Variants in FOXJ3 observed in about 807,000 individuals in gnomAD.
The protein encoded by FOXJ3 is forkhead box J3.
In FOXJ3, 22 loss-of-function variants were observed where a neutral mutation model predicts 76.1. The observed-to-expected ratio is 0.29, with a 90% confidence interval of 0.21 to 0.41. The LOEUF (loss-of-function observed/expected upper bound fraction) is 0.41, where lower values mean the gene tolerates loss of function less well. FOXJ3 is among the 10% of genes least tolerant of loss of function. FOXJ3 has a pLI of 1.00. For missense variants in FOXJ3, 613 were observed against 762.1 expected (o/e 0.80, Z 2.30); for synonymous variants, 269 against 261.2 (o/e 1.03, Z -0.29).
At chr1:42,332,712 C>G (rs574333283) in intron 1 of FOXJ3, among the ~76,000 whole-genome samples, 2 of 152,164 alleles carry the variant, frequency 1.3e-5, no homozygotes, top group African/African-American at 4.8e-5. Flanking sequence ...ATCCTAAACT[C>G]ATTTATTATT....
At chr1:42,274,890 G>A (rs1191113549) in intron 3 of FOXJ3, among the ~76,000 whole-genome samples, 5 of 151,806 alleles carry the variant, frequency 3.3e-5, no homozygotes, top group Admixed American at 6.6e-5. Context: ...AGGCGGCGGG[G>A]GGGCAAAAGA....
At chr1:42,204,034 C>A (rs1021518306) in intron 6 of FOXJ3, among the ~76,000 whole-genome samples, 11 of 151,036 alleles carry the variant, frequency 7.3e-5, no homozygotes, top group African/African-American at 1.5e-4. Flanking sequence ...CCCTGATATT[C>A]CTCAGGATCT....
chr1:42,306,661 G>C (rs543925709), intron 2 of FOXJ3, among the ~76,000 whole-genome samples: 3 of 152,152 alleles, frequency 2.0e-5, no homozygotes, highest in Admixed American at 2.0e-4. Flanking sequence ...GATGTGAATG[G>C]CCTGCTATCC....
chr1:42,231,885 T>G (rs1362755164), intron 4 of FOXJ3, among the ~76,000 whole-genome samples: 2 of 152,144 alleles, frequency 1.3e-5, no homozygotes, highest in African/African-American at 4.8e-5. Flanking sequence ...GCCATGTTGG[T>G]GTGCTGCACC....
intron 1 of FOXJ3, chr1:42,323,676 T>A: frequency 1.0e-6 from 1 of 981,910 alleles, no homozygotes; most frequent in Non-Finnish European, 1.2e-6. Flanking sequence ...ACTATGCCTC[T>A]TAATTACCTT....
At chr1:42,183,733 T>C (rs1034441669) in intron 11 of FOXJ3, among the ~76,000 whole-genome samples, 3 of 152,086 alleles carry the variant, frequency 2.0e-5, no homozygotes, top group African/African-American at 4.8e-5. Context: ...CCACTTCTAT[T>C]AAGGTAAGGC....
chr1:42,271,694 G>A (rs535507488), intron 3 of FOXJ3, among the ~76,000 whole-genome samples: 42 of 152,168 alleles, frequency 2.8e-4, no homozygotes, highest in African/African-American at 9.9e-4. Flanking sequence ...CTGTCACCAG[G>A]CTGCAGTGTA....
At chr1:42,182,282 C>A (rs1170128919) in intron 11 of FOXJ3, among the ~76,000 whole-genome samples, 1 of 152,200 alleles carries the variant, frequency 6.6e-6, no homozygotes, top group Non-Finnish European at 1.5e-5. Context: ...CAAGTTATGT[C>A]TATTATTGTT....
chr1:42,264,719 A>G (rs1651337178), intron 4 of FOXJ3, among the ~76,000 whole-genome samples: 1 of 152,146 alleles, frequency 6.6e-6, no homozygotes, highest in East Asian at 1.9e-4. Flanking sequence ...ACTCTTCTTG[A>G]TTACACTCAG....
chr1:42,325,406 C>G (rs751983058), intron 1 of FOXJ3, among the ~76,000 whole-genome samples: 3 of 152,194 alleles, frequency 2.0e-5, no homozygotes, highest in Non-Finnish European at 4.4e-5. Flanking sequence ...GAAGAAATCA[C>G]AGGATACTTC....
intron 3 of FOXJ3, 38 bp downstream of exon 3, chr1:42,278,310 T>G: frequency 7.5e-7 from 1 of 1,337,960 alleles, no homozygotes. Flanking sequence ...ACATCATTGC[T>G]TACTTCATAA....
At chr1:42,290,111 A>G (rs1653324297) in intron 2 of FOXJ3, among the ~76,000 whole-genome samples, 7 of 152,172 alleles carry the variant, frequency 4.6e-5, no homozygotes, top group Non-Finnish European at 8.8e-5. Context: ...GAGAAGAAAA[A>G]GATAGTTAAA....
intron 2 of FOXJ3, among the ~76,000 whole-genome samples, chr1:42,285,473 T>C (rs1412551324): frequency 6.6e-6 from 1 of 152,008 alleles, no homozygotes; most frequent in Non-Finnish European, 1.5e-5. Flanking sequence ...GCAAAAAGTC[T>C]AGAAATTAAA....
At chr1:42,269,581 T>C (rs960471046) in intron 3 of FOXJ3, among the ~76,000 whole-genome samples, 2 of 152,182 alleles carry the variant, frequency 1.3e-5, no homozygotes, top group African/African-American at 4.8e-5. Flanking sequence ...CTAACGTGTA[T>C]TTCCAACTAT....
At chr1:42,297,626 A>G (rs933948128) in intron 2 of FOXJ3, among the ~76,000 whole-genome samples, 8 of 152,028 alleles carry the variant, frequency 5.3e-5, no homozygotes, top group African/African-American at 1.4e-4. Flanking sequence ...CTTGATCATG[A>G]TTTATTATCT....
intron 2 of FOXJ3, among the ~76,000 whole-genome samples, chr1:42,293,168 A>G (rs1285980370): frequency 6.6e-6 from 1 of 152,188 alleles, no homozygotes; most frequent in Non-Finnish European, 1.5e-5. Flanking sequence ...TTGGACATAA[A>G]AAGAGACAAA....
rs370643565 is a variant in FOXJ3, at chr1:42,324,010, C to A, written c.-18+11049G>T. ...TTAACTCTTAAAATTCTAGGAACTA[C>A]TAAATATATATAGTATATATATACA... On this transcript the variant is annotated intron_variant, in intron 1 of 12. Transcript: ENST00000361346. Among the ~76,000 whole-genome samples the A allele has an allele frequency of 2.8e-5, 4 of 141,596 alleles. No homozygotes were observed. The East Asian group carries it at 8.4e-4, about 30-fold the overall frequency. 92.9% of individuals were successfully genotyped at this position (141,596 alleles called of 152,430 possible).
rs1157313813 is a variant in FOXJ3 at position 42,335,228 on chromosome 1, G to A, written c.-187C>T. On this transcript the variant is annotated 5_prime_UTR_variant, in exon 1 of 13. Coordinates refer to ENST00000361346, the MANE Select transcript of FOXJ3 (RefSeq NM_014947.5). ...GCCAACATCCGGGGCCGCGCACCCGGAACTACTTCCCGACCCGCATCCCCC... is the reference window on the plus strand; with the variant it reads ...GCCAACATCCGGGGCCGCGCACCCGAAACTACTTCCCGACCCGCATCCCCC... The A allele has an allele frequency of 6.6e-6, 1 of 152,122 alleles. No homozygotes were observed. Among genetic ancestry groups the A allele is most frequent in the African/African-American group, 2.4e-5 (1 of 41,430 alleles). The allele number at this position is 152,122 out of a possible 1,614,324, so 9.4% of individuals were successfully genotyped here.
At chr1:42,279,298 A>T (rs1652521674) in intron 2 of FOXJ3, among the ~76,000 whole-genome samples, 1 of 152,218 alleles carries the variant, frequency 6.6e-6, no homozygotes, top group South Asian at 2.1e-4. Context: ...AGGAATGCAA[A>T]GTCAAGGACA....
Sources: allele counts gnomAD v4.1 joint callset (sites outside exome capture counted in the v4.1 genomes callset), GRCh38; gene constraint gnomAD v4.1.1; transcripts MANE v1.5; gene names NCBI Gene and HGNC (gene_info 2026-07-23, HGNC 2026-07-21).